Variants in FAF1 observed in about 807,000 individuals in gnomAD.
The protein encoded by FAF1 is FAS-associated factor 1.
In FAF1, 25 loss-of-function variants were observed where a neutral mutation model predicts 92.5. That is an observed-to-expected ratio of 0.27 (90% CI 0.20 to 0.38). FAF1 has a LOEUF of 0.38. Ranked by LOEUF, FAF1 falls within the 10% of genes least tolerant of loss-of-function variation. FAF1 has a pLI of 1.00. For synonymous variants in FAF1, 234 were observed against 273.2 expected, an observed-to-expected ratio of 0.86 and a Z score of 1.42; for missense variants, 636 against 793.3, an observed-to-expected ratio of 0.80 and a Z score of 2.38.
Position 50,783,753 on chromosome 1 carries a change from T to C in FAF1, c.367+4247A>G, listed in dbSNP as rs1661264834. ...GCCAGGCATGGTGGCTGTGTGCCTGTAATCACAGCTACTGAGGGGGCCGAG... is the reference window on the plus strand; with the variant it reads ...GCCAGGCATGGTGGCTGTGTGCCTGCAATCACAGCTACTGAGGGGGCCGAG... On this transcript the variant is annotated intron_variant, in intron 4 of 18. Coordinates refer to ENST00000396153, the MANE Select transcript of FAF1 (RefSeq NM_007051.3). 1.3e-5 allele frequency among the ~76,000 whole-genome samples: 2 copies of C among 152,008 alleles called. 1 individual carries two copies. The highest frequency in any genetic ancestry group is 4.1e-4 in the South Asian group (2 of 4,820).
rs1572776061 is a variant in FAF1, at chr1:50,485,269, G to C, written c.1653+5319C>G. The stretch of plus-strand genomic sequence containing the variant: ...TGCCACTGTGTTTGGCCAAAAATAG[G>C]TTTTTAAATCCTGCTATAATCTTAC... On this transcript the variant is annotated intron_variant, in intron 17 of 18. Coordinates refer to ENST00000396153, the MANE Select transcript of FAF1 (RefSeq NM_007051.3). Among the ~76,000 whole-genome samples, 3 of 151,830 alleles carry C rather than the reference G, an allele frequency of 2.0e-5. No individual in the cohort carries two copies. The South Asian group carries it at 6.3e-4, about 32-fold the overall frequency.
chr1:50,783,966 A>G (rs1661272429), intron 4 of FAF1, among the ~76,000 whole-genome samples: 1 of 152,210 alleles, frequency 6.6e-6, no homozygotes, highest in South Asian at 2.1e-4. Flanking sequence ...ATCTCAATAA[A>G]CAAAAAGCTT....
Position 50,485,667 on chromosome 1 carries a change from C to CAAAAAAA in FAF1, c.1653+4914_1653+4920dup, listed in dbSNP as rs999538430. On this transcript the variant is annotated intron_variant, in intron 17 of 18. Coordinates refer to ENST00000396153, the MANE Select transcript of FAF1 (RefSeq NM_007051.3). The stretch of plus-strand genomic sequence containing the variant: ...CCTGGGCAACAGAGCGAGACTGTCT[C>CAAAAAAA]AAAAAAAAAAAAAAAAAAAAAAAAA... 3.5e-3 allele frequency among the ~76,000 whole-genome samples: 48 copies of CAAAAAAA among 13,708 alleles called. 3 individuals are homozygous for CAAAAAAA. The highest frequency in any genetic ancestry group is 0.011 in the African/African-American group (45 of 4,256). The allele number at this position is 13,708 out of a possible 152,430, so 9.0% of individuals were successfully genotyped here. A position where few individuals can be genotyped will look rare whatever the true frequency, so the allele number is the denominator to read the frequency against.
intron 9 of FAF1, among the ~76,000 whole-genome samples, chr1:50,592,550 C>G (rs1651570412): frequency 6.6e-6 from 1 of 152,160 alleles, no homozygotes; most frequent in South Asian, 2.1e-4. Flanking sequence ...ATTCTCCCAG[C>G]TAAAGGAAAT....
At chr1:50,713,630 G>A (rs1019094417) in intron 6 of FAF1, among the ~76,000 whole-genome samples, 1 of 151,904 alleles carries the variant, frequency 6.6e-6, no homozygotes, top group Non-Finnish European at 1.5e-5. Context: ...AGCAAACGTA[G>A]AACCTTTTAA....
At chr1:50,950,775 C>T (rs1645208066) in intron 1 of FAF1, among the ~76,000 whole-genome samples, 1 of 152,194 alleles carries the variant, frequency 6.6e-6, no homozygotes, top group South Asian at 2.1e-4. Context: ...TCCTTCCTTC[C>T]TTCCTGAAGA....
chr1:50,459,174 AC>A (rs1354276966), intron 18 of FAF1, among the ~76,000 whole-genome samples: 1 of 152,024 alleles, frequency 6.6e-6, no homozygotes, highest in East Asian at 1.9e-4. Context: ...ATGTATTGCT[AC>A]ATTGCTCAGG....
intron 7 of FAF1, among the ~76,000 whole-genome samples, chr1:50,694,228 T>C (rs778990772): frequency 1.3e-5 from 2 of 152,146 alleles, no homozygotes; most frequent in Admixed American, 6.5e-5. Flanking sequence ...TTTCTTATGA[T>C]GATAATTATA....
At chr1:50,752,103 G>C (rs1196497167) in intron 4 of FAF1, among the ~76,000 whole-genome samples, 1 of 152,238 alleles carries the variant, frequency 6.6e-6, no homozygotes, top group Non-Finnish European at 1.5e-5. Context: ...TTGAGTAGTT[G>C]GGACTACAGG....
At chr1:50,622,843 C>G (rs1653277068) in intron 8 of FAF1, among the ~76,000 whole-genome samples, 1 of 152,110 alleles carries the variant, frequency 6.6e-6, no homozygotes. Flanking sequence ...GATAGTATAC[C>G]TGTGCACACC....
intron 1 of FAF1, among the ~76,000 whole-genome samples, chr1:50,930,801 A>T (rs914951621): frequency 1.3e-5 from 2 of 151,834 alleles, no homozygotes; most frequent in African/African-American, 4.9e-5. Context: ...ACTCCGTCTC[A>T]AAAAAGAAAA....
chr1:50,491,797 T>C lies in FAF1; in HGVS notation c.1499A>G (p.Glu500Gly), dbSNP rs1646841523. 2 of 1,607,418 alleles carry C rather than the reference T, an allele frequency of 1.2e-6. No homozygotes were observed. The highest frequency in any genetic ancestry group is 2.2e-5 in the South Asian group (2 of 89,082). ...QQQEDIKDED[E>G]REARENVKRE... ...CTTCACATTTTCTCTGGCTTCACGT[T>C]CATCCTTAAAGAAAAAGATTCAAAT... is the stretch of plus-strand genomic sequence containing the variant. The change falls in exon 16 of 19, where the codon GAA becomes GGA. Residue 500 changes from glutamate to glycine, a missense_variant. This residue lies in a region of FAF1 where 319 missense variants were observed against 451.0 expected (regional missense o/e 0.71). Transcript: ENST00000396153.
intron 18 of FAF1, among the ~76,000 whole-genome samples, chr1:50,448,800 CT>C (rs1241413808): frequency 6.6e-6 from 1 of 152,094 alleles, no homozygotes; most frequent in Admixed American, 6.6e-5. Flanking sequence ...TTCAATTGGT[CT>C]TATGTCTTTC....
chr1:50,672,019 C>CTTTTTTTTTTTTTTTTTTTTTTTTTTT (rs370154209), intron 7 of FAF1, among the ~76,000 whole-genome samples: 1 of 138,094 alleles, frequency 7.2e-6, no homozygotes, highest in Non-Finnish European at 1.6e-5. Context: ...GGTGGTCTTT[C>CTTTTTTTTTTTTTTTTTTTTTTTTTTT]TTTTTTTTTT....
In FAF1 at chr1:50,452,261, C is replaced by T. The variant is rs529814181; in HGVS notation, c.1870-10738G>A. ...TACAGAACAATTTGCAAGCTCATTG[C>T]CCCTGAAAGCATAAACTGGACACAG... On this transcript the variant is annotated intron_variant, in intron 18 of 18. Coordinates refer to ENST00000396153, the MANE Select transcript of FAF1 (RefSeq NM_007051.3). 3.6e-5 allele frequency: 28 copies of T among 767,744 alleles called. No homozygotes were observed. In the African/African-American group the frequency reaches 4.0e-4, roughly 11 times the overall value. 47.6% of individuals were successfully genotyped at this position (767,744 alleles called of 1,614,324 possible). A position where few individuals can be genotyped will look rare whatever the true frequency, so the allele number is the denominator to read the frequency against.
Position 50,717,987 on chromosome 1 carries a change from CTTTATTTATTTATTTA to C in FAF1, c.552-12112_552-12097del, listed in dbSNP as rs67168626. Among the ~76,000 whole-genome samples, 552 of 138,988 alleles carry C rather than the reference CTTTATTTATTTATTTA, an allele frequency of 4.0e-3. 1 individual carries two copies. Among genetic ancestry groups the C allele is most frequent in the African/African-American group, 7.5e-3 (284 of 38,084 alleles). 91.2% of individuals were successfully genotyped at this position (138,988 alleles called of 152,430 possible). On this transcript the variant is annotated intron_variant, in intron 6 of 18. Coordinates refer to ENST00000396153, the MANE Select transcript of FAF1 (RefSeq NM_007051.3). ...TATTTTTAACTTCAAAAATACAATCCTTTATTTATTTATTTATTTATTTATTTATTTATTTATTTAT... is the reference window on the plus strand; with the variant it reads ...TATTTTTAACTTCAAAAATACAATCCTTTATTTATTTATTTATTTATTTAT...
At chr1:50,471,104 GT>G (rs1646566407) in intron 18 of FAF1, 1 of 152,194 alleles carries the variant, frequency 6.6e-6, no homozygotes, top group African/African-American at 2.4e-5. Context: ...CACAGCAAAT[GT>G]TTTGCTATAA....
At chr1:50,777,874 C>A (rs965056030) in intron 4 of FAF1, among the ~76,000 whole-genome samples, 4 of 151,984 alleles carry the variant, frequency 2.6e-5, no homozygotes, top group Admixed American at 2.6e-4. Flanking sequence ...TAAATTGGTT[C>A]GACCATTTTA....
At chr1:50,664,742 C>G (rs757086763) in intron 7 of FAF1, among the ~76,000 whole-genome samples, 10 of 152,192 alleles carry the variant, frequency 6.6e-5, no homozygotes, top group Admixed American at 3.3e-4. Flanking sequence ...TGCAGAGAGT[C>G]GAGATCGCGC....
Sources: gnomAD v4.1 joint callset for allele counts (sites outside exome capture counted in the v4.1 genomes callset) on GRCh38, gnomAD v4.1.1 for gene constraint, gnomAD v4.1.1 regional missense constraint, MANE v1.5 for transcripts, NCBI Gene and HGNC (gene_info 2026-07-23, HGNC 2026-07-21) for gene names.